ELK3: variants seen among roughly 807,000 people sequenced by gnomAD.
ELK3 encodes ETS domain-containing protein Elk-3.
Under a neutral mutation model 28.9 loss-of-function variants are expected in ELK3, and 10 were observed. The observed-to-expected ratio is 0.35, with a 90% CI of 0.21 to 0.59. The LOEUF is 0.59. ELK3 is among the 20% of genes least tolerant of loss of function. The pLI is 0.82. For synonymous variants in ELK3, 272 were observed against 243.5 expected (o/e 1.12, Z -1.09); for missense variants, 463 against 517.3 (o/e 0.90, Z 1.02).
intron 3 of ELK3, among the ~76,000 whole-genome samples, chr12:96,253,634 G>C (rs1300620375): frequency 6.6e-6 from 1 of 152,214 alleles, no homozygotes; most frequent in Non-Finnish European, 1.5e-5. Flanking sequence ...GTTGGCATCT[G>C]TGGGAGCTTA....
chr12:96,214,651 A>G (rs1951597891), intron 1 of ELK3, among the ~76,000 whole-genome samples: 1 of 152,256 alleles, frequency 6.6e-6, no homozygotes, highest in African/African-American at 2.4e-5. Context: ...ATAATGATCA[A>G]AATAATTTAA....
intron 3 of ELK3, among the ~76,000 whole-genome samples, chr12:96,254,502 C>A (rs1483256932): frequency 1.3e-5 from 2 of 152,154 alleles, no homozygotes; most frequent in Non-Finnish European, 2.9e-5. Flanking sequence ...TGCACACACA[C>A]ACACAATAGC....
chr12:96,237,434 C>A (rs1274812742), intron 2 of ELK3, among the ~76,000 whole-genome samples: 1 of 152,178 alleles, frequency 6.6e-6, no homozygotes, highest in Non-Finnish European at 1.5e-5. Context: ...ACATTTGTAG[C>A]AGAGTCTCTT....
At chr12:96,246,683 A>T in intron 2 of ELK3, among the ~76,000 whole-genome samples, 1 of 152,114 alleles carries the variant, frequency 6.6e-6, no homozygotes, top group Non-Finnish European at 1.5e-5. Flanking sequence ...CATCATCATC[A>T]TCTTCCTTAC....
intron 1 of ELK3, among the ~76,000 whole-genome samples, chr12:96,222,194 C>T (rs1030378696): frequency 2.6e-5 from 4 of 152,004 alleles, no homozygotes; most frequent in African/African-American, 9.7e-5. Flanking sequence ...AGAATCAATA[C>T]CTATTGTCAT....
chr12:96,249,287 A>G (rs1226740744), intron 3 of ELK3, among the ~76,000 whole-genome samples: 1 of 152,208 alleles, frequency 6.6e-6, no homozygotes, highest in Non-Finnish European at 1.5e-5. Context: ...ACCTGAAAGC[A>G]GCTCTGGGCC....
chr12:96,210,191 A>C (rs1310533847), intron 1 of ELK3, among the ~76,000 whole-genome samples: 4 of 152,310 alleles, frequency 2.6e-5, no homozygotes, highest in African/African-American at 7.2e-5. Context: ...TTAAAGCTCA[A>C]ACTGAAAGAC....
chr12:96,243,708 G>A (rs1951837061), intron 2 of ELK3, among the ~76,000 whole-genome samples: 1 of 152,104 alleles, frequency 6.6e-6, no homozygotes, highest in Non-Finnish European at 1.5e-5. Flanking sequence ...GCCAGGCATG[G>A]TGGCGGGCGC....
At chr12:96,218,911 G>C (rs1042712605) in intron 1 of ELK3, among the ~76,000 whole-genome samples, 1 of 152,178 alleles carries the variant, frequency 6.6e-6, no homozygotes, top group Non-Finnish European at 1.5e-5. Context: ...GCCTCGCAAA[G>C]TGCTGGGATT....
Position 96,247,729 on chromosome 12 carries a change from G to T in ELK3, c.997G>T (p.Ala333Ser). The part of the protein sequence containing the change: ...SGSLTPAFFT[A>S]QTPNGLLLTP... The stretch of plus-strand genomic sequence containing the variant: ...ATCCCTCACCCCAGCCTTCTTCACC[G>T]CACAGGTAAGAGTCATTCCTGTCAT... Residue 333 changes from alanine to serine, a missense_variant, in exon 3 of 5, where the codon GCA becomes TCA. Ala to Ser is a moderately conservative substitution (Grantham distance 99). Coordinates refer to ENST00000228741, the MANE Select transcript of ELK3 (RefSeq NM_005230.4). This position sits in a 1 kb window ranked among gnomAD's most constrained non-coding sequence, Gnocchi z 5.5. 1.3e-6 allele frequency: 2 copies of T among 1,567,850 alleles called. No individual in the cohort carries two copies. Among genetic ancestry groups the T allele is most frequent in the Non-Finnish European group, 1.7e-6 (2 of 1,158,486 alleles).
At chr12:96,216,799 A>G (rs576982492) in intron 1 of ELK3, among the ~76,000 whole-genome samples, 4 of 152,304 alleles carry the variant, frequency 2.6e-5, no homozygotes, top group East Asian at 1.9e-4. Context: ...CATTTTACCT[A>G]TGAGGATACT....
At chr12:96,246,807 C>A in intron 2 of ELK3, 133 bp from the exon 3 acceptor site, 1 of 884,324 alleles carries the variant, frequency 1.1e-6, no homozygotes, top group Non-Finnish European at 1.7e-6. Flanking sequence ...TTCCTCCTTC[C>A]ACTTTTCCTT....
At chr12:96,254,532 T>C (rs958527529) in intron 3 of ELK3, among the ~76,000 whole-genome samples, 1 of 152,060 alleles carries the variant, frequency 6.6e-6, no homozygotes, top group African/African-American at 2.4e-5. Context: ...GAGTCAAACA[T>C]GCAGCACAGA....
At chr12:96,226,230 C>G (rs1428227281) in intron 2 of ELK3, among the ~76,000 whole-genome samples, 1 of 152,220 alleles carries the variant, frequency 6.6e-6, no homozygotes. Flanking sequence ...GTCCAGGTGG[C>G]TGGTGTGGCC....
chr12:96,196,955 G>A (rs1221308332), intron 1 of ELK3, among the ~76,000 whole-genome samples: 1 of 152,178 alleles, frequency 6.6e-6, no homozygotes, highest in East Asian at 1.9e-4. Flanking sequence ...CAGTGGACAT[G>A]AGTACAGGAT....
chr12:96,231,148 G>A (rs915020756), intron 2 of ELK3, among the ~76,000 whole-genome samples: 3 of 152,180 alleles, frequency 2.0e-5, no homozygotes, highest in African/African-American at 7.2e-5. Context: ...TTTTCCCTTG[G>A]TCTTGTTTTA....
At chr12:96,244,005 CAAAAAAA>C (rs146090608) in intron 2 of ELK3, among the ~76,000 whole-genome samples, 1 of 111,142 alleles carries the variant, frequency 9.0e-6, no homozygotes, top group African/African-American at 3.4e-5. Context: ...GACTCCATCT[CAAAAAAA>C]AAAAAAAAAA....
At chr12:96,245,789 T>A (rs1951851178) in intron 2 of ELK3, among the ~76,000 whole-genome samples, 1 of 152,152 alleles carries the variant, frequency 6.6e-6, no homozygotes, top group Admixed American at 6.5e-5. Context: ...AAGTATCCAT[T>A]TAATAAACCT....
intron 3 of ELK3, among the ~76,000 whole-genome samples, chr12:96,249,687 T>C (rs1012848773): frequency 3.1e-3 from 55 of 17,510 alleles, no homozygotes; most frequent in African/African-American, 0.012. Flanking sequence ...GGAGCCTGGA[T>C]CACCTTCTCA....
Sources: allele counts gnomAD v4.1 joint callset (sites outside exome capture counted in the v4.1 genomes callset), GRCh38; gene constraint gnomAD v4.1.1; non-coding constraint Gnocchi (gnomAD v3.1); transcripts MANE v1.5; gene names NCBI Gene and HGNC (gene_info 2026-07-23, HGNC 2026-07-21).